The following ADD3 variants were observed in gnomAD, a reference collection of about 807,000 sequenced individuals.
ADD3 encodes the protein gamma-adducin.
In ADD3, 25 loss-of-function variants were observed where a neutral mutation model predicts 80.2. The observed-to-expected ratio is 0.31, with a 90% CI of 0.23 to 0.44. The LOEUF is 0.44. ADD3 is among the 20% of genes least tolerant of loss of function. The pLI is 1.00. For synonymous variants in ADD3, 284 were observed against 289.6 expected, an observed-to-expected ratio of 0.98 and a Z score of 0.20; for missense variants, 829 against 847.5, an observed-to-expected ratio of 0.98 and a Z score of 0.27.
chr10:110,064,902 A>T (rs1843714583), intron 1 of ADD3, among the ~76,000 whole-genome samples: 1 of 152,204 alleles, frequency 6.6e-6, no homozygotes, highest in South Asian at 2.1e-4. Context: ...TACAAAAAAT[A>T]CAAAAATTAG....
chr10:110,009,847 G>C (rs1852120690), intron 1 of ADD3, among the ~76,000 whole-genome samples: 1 of 152,182 alleles, frequency 6.6e-6, no homozygotes, highest in African/African-American at 2.4e-5. Flanking sequence ...AGGAGTTCTT[G>C]AGATAGTTGG....
chr10:110,001,752 T>C (rs1452618296), upstream of ADD3, among the ~76,000 whole-genome samples: 1 of 152,210 alleles, frequency 6.6e-6, no homozygotes, highest in East Asian at 1.9e-4. Flanking sequence ...GTAGAGCCTA[T>C]GAATTAGTAT....
intron 9 of ADD3, among the ~76,000 whole-genome samples, chr10:110,123,163 T>C (rs1851725899): frequency 1.3e-5 from 2 of 152,224 alleles, no homozygotes; most frequent in African/African-American, 4.8e-5. Context: ...TTGTGAATAA[T>C]GGTGTACCTA....
intron 2 of ADD3, among the ~76,000 whole-genome samples, chr10:110,108,912 G>A (rs889718408): frequency 5.9e-5 from 9 of 152,056 alleles, no homozygotes; most frequent in African/African-American, 1.7e-4. Flanking sequence ...GAAGCTATTC[G>A]TCAGCTTTAA....
At chr10:110,006,796 G>A (rs185654338), upstream of ADD3, among the ~76,000 whole-genome samples, 74 of 151,856 alleles carry the variant, frequency 4.9e-4, no homozygotes, top group African/African-American at 1.6e-3. Context: ...ATTTGAGGGG[G>A]ACGAGTCTGC....
upstream of ADD3, among the ~76,000 whole-genome samples, chr10:110,001,676 A>AT (rs201746821): frequency 4.8e-3 from 722 of 151,708 alleles, 11 homozygotes; most frequent in African/African-American, 0.016. Context: ...TTATTCAGAG[A>AT]TTTTTTTTTA....
chr10:110,023,237 A>T (rs1338914202), intron 1 of ADD3, among the ~76,000 whole-genome samples: 1 of 152,200 alleles, frequency 6.6e-6, no homozygotes, highest in Non-Finnish European at 1.5e-5. Flanking sequence ...TAGTGCCCTT[A>T]TAAAAGAGAC....
At chr10:110,088,353 T>C (rs1450192247) in intron 1 of ADD3, among the ~76,000 whole-genome samples, 2 of 152,344 alleles carry the variant, frequency 1.3e-5, no homozygotes, top group East Asian at 3.9e-4. Flanking sequence ...CTGAAATTGA[T>C]AAAAATCTCT....
chr10:110,092,258 C>A (rs1315346883), intron 1 of ADD3, among the ~76,000 whole-genome samples: 1 of 152,126 alleles, frequency 6.6e-6, no homozygotes, highest in African/African-American at 2.4e-5. Context: ...CAAAAAGACA[C>A]AAGCGCAAAT....
chr10:110,095,993 AG>A (rs1309223981), intron 1 of ADD3, among the ~76,000 whole-genome samples: 1 of 152,298 alleles, frequency 6.6e-6, no homozygotes, highest in Admixed American at 6.5e-5. Flanking sequence ...CAGCATGCGG[AG>A]TACTTCTGGT....
At chr10:110,055,286 A>G (rs1252297436) in intron 1 of ADD3, among the ~76,000 whole-genome samples, 1 of 152,204 alleles carries the variant, frequency 6.6e-6, no homozygotes, top group Non-Finnish European at 1.5e-5. Flanking sequence ...GTGGTAAAGC[A>G]GTCTGTTTAC....
intron 1 of ADD3, among the ~76,000 whole-genome samples, chr10:110,042,591 A>T (rs1021184936): frequency 6.6e-6 from 1 of 152,074 alleles, no homozygotes; most frequent in African/African-American, 2.4e-5. Context: ...GTCTAATAAC[A>T]TGGAATGTGG....
chr10:110,082,246 A>AAG (rs10690043), intron 1 of ADD3, among the ~76,000 whole-genome samples: 18 of 151,606 alleles, frequency 1.2e-4, no homozygotes, highest in East Asian at 5.8e-4. Context: ...CTAAAAAAAA[A>AAG]CTTTGGCTGA....
At chr10:110,080,924 T>C (rs1477440354) in intron 1 of ADD3, among the ~76,000 whole-genome samples, 2 of 152,246 alleles carry the variant, frequency 1.3e-5, no homozygotes, top group Non-Finnish European at 2.9e-5. Flanking sequence ...AAAGCAGTAT[T>C]TTTGCTGTAT....
intron 1 of ADD3, among the ~76,000 whole-genome samples, chr10:110,059,541 T>C (rs1049336834): frequency 1.3e-5 from 2 of 151,006 alleles, no homozygotes; most frequent in Non-Finnish European, 2.9e-5. Context: ...GGCAGGCAGA[T>C]CACGAGGTCA....
At chr10:110,022,472 A>G (rs1469386391) in intron 1 of ADD3, among the ~76,000 whole-genome samples, 3 of 152,160 alleles carry the variant, frequency 2.0e-5, no homozygotes, top group Admixed American at 6.5e-5. Context: ...TTTGAGGTAT[A>G]ATTCACATAC....
At chr10:110,086,137 C>T (rs371980777) in intron 1 of ADD3, among the ~76,000 whole-genome samples, 4 of 150,974 alleles carry the variant, frequency 2.6e-5, no homozygotes, top group Admixed American at 6.6e-5. Flanking sequence ...AAAGGCTGGG[C>T]GCAGTATCTC....
intron 1 of ADD3, among the ~76,000 whole-genome samples, chr10:110,089,910 A>G (rs1847256775): frequency 2.6e-5 from 4 of 152,090 alleles, no homozygotes; most frequent in Admixed American, 2.6e-4. Context: ...TGGCCATTGT[A>G]ATTGGTAAAT....
In ADD3 at chr10:110,134,467, C is replaced by G. The variant is rs940884731; in HGVS notation, c.*849C>G. 3.9e-5 allele frequency: 6 copies of G among 152,434 alleles called. No individual in the cohort carries two copies. The highest frequency in any genetic ancestry group is 8.8e-5 in the Non-Finnish European group (6 of 68,000). The allele number at this position is 152,434 out of a possible 1,614,324, so 9.4% of individuals were successfully genotyped here. On this transcript the variant is annotated 3_prime_UTR_variant, in exon 15 of 15. Coordinates refer to ENST00000356080, the MANE Select transcript of ADD3 (RefSeq NM_016824.5). The stretch of plus-strand genomic sequence containing the variant: ...GTACTGAGTATACTTAAATATAACT[C>G]CAGAATCCAGGGACTTGGTGTTAAA...
Sources: allele counts gnomAD v4.1 joint callset (sites outside exome capture counted in the v4.1 genomes callset), GRCh38; gene constraint gnomAD v4.1.1; transcripts MANE v1.5; gene names NCBI Gene and HGNC (gene_info 2026-07-23, HGNC 2026-07-21).